Variants in UBXN8 observed in about 807,000 individuals in gnomAD.
The protein encoded by UBXN8 is UBX domain-containing protein 8.
UBXN8 carries 27 observed loss-of-function variants against 32.1 expected under a neutral mutation model. That is an observed-to-expected ratio of 0.84 (90% confidence interval 0.62 to 1.16). UBXN8 has a LOEUF of 1.16. Among genes scored for constraint, UBXN8 ranks in the 50% most tolerant of loss-of-function variants. UBXN8 has a pLI of 0.00. For synonymous variants in UBXN8, 109 were observed against 111.8 expected (o/e 0.98, Z 0.16); for missense variants, 306 against 311.4 (o/e 0.98, Z 0.13).
intron 1 of UBXN8, among the ~76,000 whole-genome samples, chr8:30,750,397 C>G (rs985301827): frequency 6.6e-6 from 1 of 152,032 alleles, no homozygotes; most frequent in Non-Finnish European, 1.5e-5. Flanking sequence ...CTCCTTGAGC[C>G]CCAGGAGGTT....
In UBXN8 at chr8:30,760,885, T is replaced by G. The variant is rs373191831; in HGVS notation, c.529-3T>G. 2 of 1,533,962 alleles carry G rather than the reference T, an allele frequency of 1.3e-6. No individual in the cohort carries two copies. Among genetic ancestry groups the G allele is most frequent in the East Asian group, 4.7e-5 (2 of 42,586 alleles). On this transcript the variant is annotated splice_region_variant and splice_polypyrimidine_tract_variant and intron_variant, in intron 5 of 7. Coordinates refer to ENST00000265616, the MANE Select transcript of UBXN8 (RefSeq NM_005671.4). ...CATTCCTCTTACCAATACTTTTCTTTAGATTCCTGATTTACCTGAAGAACC... is the reference window on the plus strand; with the variant it reads ...CATTCCTCTTACCAATACTTTTCTTGAGATTCCTGATTTACCTGAAGAACC...
At chr8:30,736,824 T>C (rs1011421751) in intron 1 of UBXN8, among the ~76,000 whole-genome samples, 4 of 152,180 alleles carry the variant, frequency 2.6e-5, no homozygotes, top group Admixed American at 1.3e-4. Context: ...ACAAAGTACC[T>C]GTATAAAGAA....
At chr8:30,748,377 G>A (rs571226051) in intron 1 of UBXN8, among the ~76,000 whole-genome samples, 214 of 150,970 alleles carry the variant, frequency 1.4e-3, no homozygotes, top group Non-Finnish European at 2.6e-3. Context: ...GACATGGGAC[G>A]ACTGCTTGAG....
In UBXN8 at chr8:30,745,603, A is replaced by G. The variant is rs186554514; in HGVS notation, c.88+1326A>G. Among the ~76,000 whole-genome samples, 514 of 152,324 alleles carry G rather than the reference A, an allele frequency of 3.4e-3. 3 individuals are homozygous for G. Among genetic ancestry groups the G allele is most frequent in the Non-Finnish European group, 4.5e-3 (308 of 68,032 alleles). On this transcript the variant is annotated intron_variant, in intron 1 of 7. Transcript: ENST00000265616. ...AATAAAATGCTTTAAAAAAATGTAC[A>G]AAGACTGTCCTGAAGCTTCTCACTC...
chr8:30,764,865 C>T (rs746571485), intron 7 of UBXN8, among the ~76,000 whole-genome samples: 1 of 152,062 alleles, frequency 6.6e-6, no homozygotes, highest in Non-Finnish European at 1.5e-5. Context: ...TCCTGGCCAA[C>T]ATGGTGAAAC....
Position 30,756,833 on chromosome 8 carries a change from G to A in UBXN8, c.474G>A (p.Leu158=). The A allele has an allele frequency of 6.2e-7, 1 of 1,614,028 alleles. No individual in the cohort carries two copies. The highest frequency in any genetic ancestry group is 2.2e-5 in the East Asian group (1 of 44,894). The change falls in exon 5 of 8, where the codon TTG becomes TTA. Residue 158 remains leucine, a synonymous_variant. Transcript: ENST00000265616. ...GAGAAGCAGCAAAGAGCCAGAACTT[G>A]CCTAAACCTTTAACTGAATTTCCGT... ...SNREAAKSQN[L]PKPLTEFPSP... is the part of the protein sequence containing the mutation.
chr8:30,751,342 C>G, intron 1 of UBXN8, 54 bp from the exon 2 acceptor site: 1 of 1,456,166 alleles, frequency 6.9e-7, no homozygotes, highest in South Asian at 1.3e-5. Context: ...AGTGAGACCT[C>G]ATCTCTTAAA....
Position 30,766,446 on chromosome 8 carries a change from C to G in UBXN8, c.*52C>G, listed in dbSNP as rs1806010469. Reference sequence around the variant, plus strand: ...ATGAAGTCAGTTATGCTATGACCTTCTGGCACAATAAAGGCTTCACTTTCA... The same window carrying G: ...ATGAAGTCAGTTATGCTATGACCTTGTGGCACAATAAAGGCTTCACTTTCA... On this transcript the variant is annotated 3_prime_UTR_variant, in exon 8 of 8. Coordinates refer to ENST00000265616, the MANE Select transcript of UBXN8 (RefSeq NM_005671.4). 24 of 1,475,024 alleles carry G rather than the reference C, an allele frequency of 1.6e-5. No homozygotes were observed. Among genetic ancestry groups the G allele is most frequent in the Admixed American group, 2.4e-5 (1 of 42,424 alleles). 91.4% of individuals were successfully genotyped at this position (1,475,024 alleles called of 1,614,324 possible). A position where few individuals can be genotyped will look rare whatever the true frequency, so the allele number is the denominator to read the frequency against.
intron 5 of UBXN8, 47 bp from the exon 6 acceptor site, chr8:30,760,841 T>G: frequency 7.8e-7 from 1 of 1,289,516 alleles, no homozygotes; most frequent in Non-Finnish European, 1.1e-6. Context: ...TTGACACTTT[T>G]GCTTGTTGAA....
rs1805822607 is a variant in UBXN8, at chr8:30,761,191, A to G, written c.570+262A>G. ...CTGGGTCTTACTTGGAATGTAGTGTAGTATCAAATTCCTCAACATGAGTAC... is the reference window on the plus strand; with the variant it reads ...CTGGGTCTTACTTGGAATGTAGTGTGGTATCAAATTCCTCAACATGAGTAC... On this transcript the variant is annotated intron_variant, in intron 6 of 7. Coordinates refer to ENST00000265616, the MANE Select transcript of UBXN8 (RefSeq NM_005671.4). Among the ~76,000 whole-genome samples the G allele has an allele frequency of 2.0e-5, 3 of 150,918 alleles. No homozygotes were observed. In the South Asian group the frequency reaches 6.3e-4, roughly 32 times the overall value.
intron 1 of UBXN8, among the ~76,000 whole-genome samples, chr8:30,738,609 C>G (rs6993738): frequency 0.26 from 35,679 of 138,558 alleles, 5,041 homozygotes; most frequent in African/African-American, 0.41. Flanking sequence ...TGCAGTGAGC[C>G]GAGATCGTGC....
chr8:30,765,819 C>G (rs1805986811), intron 7 of UBXN8, among the ~76,000 whole-genome samples: 1 of 151,866 alleles, frequency 6.6e-6, no homozygotes, highest in African/African-American at 2.4e-5. Flanking sequence ...ACCAGCCTGG[C>G]CAACATGGTG....
At chr8:30,748,633 C>G (rs1254678211) in intron 1 of UBXN8, among the ~76,000 whole-genome samples, 1 of 150,892 alleles carries the variant, frequency 6.6e-6, no homozygotes, top group East Asian at 2.0e-4. Flanking sequence ...CTCTACCTCC[C>G]AGGTTCAAGT....
At chr8:30,753,172 A>C in intron 3 of UBXN8, 67 bp downstream of exon 3, 1 of 1,409,814 alleles carries the variant, frequency 7.1e-7, no homozygotes, top group East Asian at 2.7e-5. Flanking sequence ...AATTAAAATT[A>C]AGGGCTGTTG....
At chr8:30,744,539 A>G (rs1280245535) in intron 1 of UBXN8, 2 of 526,284 alleles carry the variant, frequency 3.8e-6, no homozygotes, top group Non-Finnish European at 6.8e-6. Context: ...CATCCTGGCG[A>G]ACACTGAAAA....
At chr8:30,741,169 C>T (rs367800675), upstream of UBXN8, among the ~76,000 whole-genome samples, 14 of 152,020 alleles carry the variant, frequency 9.2e-5, no homozygotes, top group South Asian at 2.3e-3. Context: ...GCAGATTGCT[C>T]GAGCCCAGGA....
chr8:30,735,936 G>A (rs1324389691), intron 1 of UBXN8, among the ~76,000 whole-genome samples: 5 of 152,230 alleles, frequency 3.3e-5, no homozygotes, highest in Non-Finnish European at 2.9e-5. Context: ...TGTGTCACCC[G>A]AAAGGTGGTG....
At chr8:30,733,688 C>T (rs371815150) in intron 1 of UBXN8, among the ~76,000 whole-genome samples, 13 of 152,170 alleles carry the variant, frequency 8.5e-5, no homozygotes, top group South Asian at 2.1e-4. Flanking sequence ...TGCCAGCCAC[C>T]GTGCCCAGCC....
At chr8:30,754,071 C>G (rs963266069) in intron 3 of UBXN8, among the ~76,000 whole-genome samples, 1 of 152,124 alleles carries the variant, frequency 6.6e-6, no homozygotes, top group African/African-American at 2.4e-5. Context: ...GAAACCCTGT[C>G]TCTACTAAAA....
Sources: gnomAD v4.1 joint callset for allele counts (sites outside exome capture counted in the v4.1 genomes callset) on GRCh38, gnomAD v4.1.1 for gene constraint, MANE v1.5 for transcripts, NCBI Gene and HGNC (gene_info 2026-07-23, HGNC 2026-07-21) for gene names.